The following DZIP1L variants were observed in gnomAD, a reference collection of about 807,000 sequenced individuals.
DZIP1L encodes the protein DAZ interacting zinc finger protein 1 like.
Under a neutral mutation model 88.7 loss-of-function variants are expected in DZIP1L, and 90 were observed. The observed-to-expected ratio is 1.02, with a 90% CI of 0.86 to 1.21. The LOEUF (loss-of-function observed/expected upper bound fraction) is 1.21, where lower values mean the gene tolerates loss of function less well. Among genes scored for constraint, DZIP1L ranks in the 50% most tolerant of loss-of-function variants. The probability of loss-of-function intolerance (pLI) is 0.00; values close to 1 mark genes in which losing one functional copy is unlikely to be tolerated. For missense variants in DZIP1L, 932 were observed against 955.8 expected, an observed-to-expected ratio of 0.98 and a Z score of 0.33; for synonymous variants, 363 against 372.1, an observed-to-expected ratio of 0.98 and a Z score of 0.28.
At chr3:138,089,290 T>C (rs1944094958) in intron 5 of DZIP1L, 1 of 985,268 alleles carries the variant, frequency 1.0e-6, no homozygotes, top group Non-Finnish European at 1.2e-6. Flanking sequence ...CAGAGTCAAA[T>C]GCTTGATCAG....
chr3:138,067,548 G>A lies in DZIP1L; in HGVS notation c.1985C>T (p.Pro662Leu). The A allele has an allele frequency of 1.9e-6, 3 of 1,607,968 alleles. No individual in the cohort carries two copies. Among genetic ancestry groups the A allele is most frequent in the Non-Finnish European group, 2.5e-6 (3 of 1,177,352 alleles). Reference protein sequence around the residue: ...DTETSEENAQPPGQGSGTLVQ... With the variant: ...DTETSEENAQLPGQGSGTLVQ... ...CAGCTCACCTGAGCCCTGGCCAGGG[G>A]GCTGGGCATTCTCCTCCGAGGTCTC... Residue 662 changes from proline to leucine, a missense_variant, in exon 14 of 16, where the codon CCC becomes CTC. Physicochemically the swap from Pro to Leu is moderately conservative, Grantham distance 98. Coordinates refer to ENST00000327532, the MANE Select transcript of DZIP1L (RefSeq NM_173543.3).
In DZIP1L at chr3:138,064,698, C is replaced by A. The variant is rs766663674; in HGVS notation, c.2072G>T (p.Gly691Val). ...QLEAPAKKPA[G>V]GVSLFFMPNA... is the part of the protein sequence containing the mutation. ...GGGCATAAAAAACAGACTGACCCCTCCAGCAGGCTTCTTTGCTGGAGCTTC... is the reference window on the plus strand; with the variant it reads ...GGGCATAAAAAACAGACTGACCCCTACAGCAGGCTTCTTTGCTGGAGCTTC... The change falls in exon 15 of 16, where the codon GGA (glycine) becomes GTA (valine). Residue 691 changes from glycine (G) to valine (V), a missense_variant. Gly to Val is a moderately radical substitution (Grantham distance 109). Coordinates refer to ENST00000327532, the MANE Select transcript of DZIP1L (RefSeq NM_173543.3). 6.2e-7 allele frequency: 1 copy of A among 1,612,572 alleles called. No homozygotes were observed. Among genetic ancestry groups the A allele is most frequent in the South Asian group, 1.1e-5 (1 of 90,808 alleles).
intron 2 of DZIP1L, among the ~76,000 whole-genome samples, chr3:138,099,034 G>T (rs1246427830): frequency 6.6e-6 from 1 of 152,218 alleles, no homozygotes; most frequent in East Asian, 1.9e-4. Context: ...CTACTCAGGA[G>T]GCTGAGGTGG....
chr3:138,062,959 C>T lies in DZIP1L; in HGVS notation c.2161G>A (p.Asp721Asn). 1 of 1,614,046 alleles carries T rather than the reference C, an allele frequency of 6.2e-7. No individual in the cohort carries two copies. Among genetic ancestry groups the T allele is most frequent in the Non-Finnish European group, 8.5e-7 (1 of 1,180,030 alleles). ...RKPQLSEDES[D>N]LEISSLEDLP... is the part of the protein sequence containing the mutation. ...TCTTCCAAGGAGGAGATCTCCAAGT[C>T]ACTCTCATCTTCAGAAAGCTGCAGG... The change falls in exon 16 of 16, where the codon GAC becomes AAC. Residue 721 changes from aspartate (D) to asparagine (N), a missense_variant. Physicochemically the swap from Asp to Asn is conservative, Grantham distance 23 (BLOSUM62 1). Coordinates refer to ENST00000327532, the MANE Select transcript of DZIP1L (RefSeq NM_173543.3).
At chr3:138,107,233 A>C (rs1274245718) in intron 1 of DZIP1L, among the ~76,000 whole-genome samples, 1 of 152,196 alleles carries the variant, frequency 6.6e-6, no homozygotes, top group Non-Finnish European at 1.5e-5. Context: ...GACATTTAAG[A>C]GGTGATTAAG....
rs1444810628 is a variant in DZIP1L at position 138,113,996 on chromosome 3, A to G, written c.-82+1332T>C. The stretch of plus-strand genomic sequence containing the variant: ...AGAGGAATGAATACTGACATGTCCT[A>G]TCTTCCCAGATGCAGAATTGTAAAA... On this transcript the variant is annotated intron_variant, in intron 1 of 15. Coordinates refer to ENST00000327532, the MANE Select transcript of DZIP1L (RefSeq NM_173543.3). 4.1e-5 allele frequency among the ~76,000 whole-genome samples: 6 copies of G among 148,084 alleles called. No homozygotes were observed. In the East Asian group the frequency reaches 9.6e-4, roughly 24 times the overall value.
intron 10 of DZIP1L, among the ~76,000 whole-genome samples, chr3:138,078,248 C>T (rs1319350700): frequency 6.6e-6 from 1 of 152,236 alleles, no homozygotes; most frequent in Non-Finnish European, 1.5e-5. Context: ...CTACGGTGTT[C>T]TTCAGGTTCC....
At chr3:138,088,599 A>ACCCAACTCATCCT in intron 5 of DZIP1L, 92 bp from the exon 6 acceptor site, 1 of 1,453,138 alleles carries the variant, frequency 6.9e-7, no homozygotes, top group Non-Finnish European at 9.1e-7. Context: ...GGCACGCCTT[A>ACCCAACTCATCCT]CCCAACTCAT....
Position 138,103,955 on chromosome 3 carries a change from G to A in DZIP1L, c.17C>T (p.Ala6Val). MQSPA[A>V]TAEGLSGPLF... ...GGGGCCACTGAGGCCCTCAGCAGTG[G>A]CAGCTGGGGACTGCATGGGCAGAGG... is the stretch of plus-strand genomic sequence containing the variant. The change falls in exon 2 of 16, where the codon GCC becomes GTC. Residue 6 changes from alanine (A) to valine (V), a missense_variant. Physicochemically the swap from Ala to Val is moderately conservative, Grantham distance 64. Coordinates refer to ENST00000327532, the MANE Select transcript of DZIP1L (RefSeq NM_173543.3). 3 of 1,611,938 alleles carry A rather than the reference G, an allele frequency of 1.9e-6. No homozygotes were observed. In the South Asian group the frequency reaches 3.3e-5, roughly 18 times the overall value.
intron 11 of DZIP1L, among the ~76,000 whole-genome samples, chr3:138,075,805 C>T (rs991198541): frequency 1.3e-4 from 20 of 152,132 alleles, no homozygotes; most frequent in African/African-American, 4.6e-4. Context: ...TGGTGAAACC[C>T]CGTCTCTACT....
At chr3:138,079,388 C>T (rs1447653087) in intron 10 of DZIP1L, among the ~76,000 whole-genome samples, 2 of 152,228 alleles carry the variant, frequency 1.3e-5, no homozygotes, top group Non-Finnish European at 2.9e-5. Flanking sequence ...AGAGGACTAA[C>T]TGGTTAAATA....
chr3:138,067,663 C>A lies in DZIP1L; in HGVS notation c.1870G>T (p.Asp624Tyr). 1 of 1,608,008 alleles carries A rather than the reference C, an allele frequency of 6.2e-7. No homozygotes were observed. Among genetic ancestry groups the A allele is most frequent in the African/African-American group, 1.3e-5 (1 of 74,762 alleles). Residue 624 changes from aspartate (D) to tyrosine (Y), a missense_variant, in exon 14 of 16, where the codon GAC becomes TAC. Asp to Tyr is a radical substitution (Grantham distance 160, BLOSUM62 -3). Coordinates refer to ENST00000327532, the MANE Select transcript of DZIP1L (RefSeq NM_173543.3). ...TGTAGAGACACACGCTGCACACGGTCTCCCTCTGAGTCCTCTTCAGAACTG... is the reference window on the plus strand; with the variant it reads ...TGTAGAGACACACGCTGCACACGGTATCCCTCTGAGTCCTCTTCAGAACTG... The part of the protein sequence containing the change: ...PFSSEEDSEG[D>Y]RVQRVSLQPP...
chr3:138,069,264 T>C (rs1244940039), intron 12 of DZIP1L: 1 of 507,020 alleles, frequency 2.0e-6, no homozygotes, highest in Non-Finnish European at 3.6e-6. Context: ...ATTTTCTTAA[T>C]AACATGTTCT....
intron 8 of DZIP1L, among the ~76,000 whole-genome samples, chr3:138,082,627 A>T (rs1943716619): frequency 6.6e-6 from 1 of 151,744 alleles, no homozygotes; most frequent in South Asian, 2.1e-4. Flanking sequence ...CTTATGACAA[A>T]CTCCCTCTTC....
At chr3:138,078,793 T>G (rs947891786) in intron 10 of DZIP1L, among the ~76,000 whole-genome samples, 2 of 152,220 alleles carry the variant, frequency 1.3e-5, no homozygotes, top group Admixed American at 1.3e-4. Flanking sequence ...GTCTGCACAT[T>G]GGAATCACCT....
Position 138,092,563 on chromosome 3 carries a change from A to G in DZIP1L, c.709-19T>C. 1 of 1,552,504 alleles carries G rather than the reference A, an allele frequency of 6.4e-7. No individual in the cohort carries two copies. Among genetic ancestry groups the G allele is most frequent in the Non-Finnish European group, 8.6e-7 (1 of 1,158,704 alleles). On this transcript the variant is annotated intron_variant, in intron 4 of 15. Transcript: ENST00000327532. ...CTGCTTCCTAAAAAGAAGAGCAAGA[A>G]CAATATGATGATTAATTCCACATTA...
chr3:138,103,704 C>T lies in DZIP1L; in HGVS notation c.268G>A (p.Ala90Thr). The change falls in exon 2 of 16, where the codon GCG (alanine) becomes ACG (threonine). Residue 90 changes from alanine (A) to threonine (T), a missense_variant. Physicochemically the swap from Ala to Thr is moderately conservative, Grantham distance 58. Transcript: ENST00000327532. Reference protein sequence around the residue: ...DPALLKVLRLAQLIIEYLLHC... With the variant: ...DPALLKVLRLTQLIIEYLLHC... ...AGCAGGTACTCAATGATGAGCTGCGCCAGGCGCAGCACCTTGAGCAGTGCC... is the reference window on the plus strand; with the variant it reads ...AGCAGGTACTCAATGATGAGCTGCGTCAGGCGCAGCACCTTGAGCAGTGCC... 1 of 1,612,848 alleles carries T rather than the reference C, an allele frequency of 6.2e-7. No homozygotes were observed. Among genetic ancestry groups the T allele is most frequent in the South Asian group, 1.1e-5 (1 of 91,080 alleles).
chr3:138,087,133 G>A, intron 6 of DZIP1L, 110 bp from the exon 7 acceptor site: 1 of 874,678 alleles, frequency 1.1e-6, no homozygotes. Context: ...CAGAGTAGTG[G>A]AATAGAATAG....
In DZIP1L at chr3:138,102,545, G is replaced by A. The variant is rs1327688798; in HGVS notation, c.501+926C>T. On this transcript the variant is annotated intron_variant, in intron 2 of 15. Coordinates refer to ENST00000327532, the MANE Select transcript of DZIP1L (RefSeq NM_173543.3). ...TGAGCCGTCTTCTGCTGCTGCAGGA[G>A]GCTCCAGTTGGTCTCCAGCATCTTG... 34 of 1,396,166 alleles carry A rather than the reference G, an allele frequency of 2.4e-5. No individual in the cohort carries two copies. The East Asian group carries it at 7.1e-4, about 29-fold the overall frequency. 86.5% of individuals were successfully genotyped at this position (1,396,166 alleles called of 1,614,324 possible).
Sources: gnomAD v4.1 joint callset for allele counts (sites outside exome capture counted in the v4.1 genomes callset) on GRCh38, gnomAD v4.1.1 for gene constraint, MANE v1.5 for transcripts, NCBI Gene and HGNC (gene_info 2026-07-23, HGNC 2026-07-21) for gene names.